Variants in FRAS1 observed in about 807,000 individuals in gnomAD.
The protein encoded by FRAS1 is extracellular matrix organizing protein FRAS1.
In FRAS1, 290 loss-of-function variants were observed where a neutral mutation model predicts 435.2. The ratio of observed to expected loss-of-function variants is 0.67; its 90% confidence interval spans 0.61 to 0.73. FRAS1 has a LOEUF of 0.73. Ranked by LOEUF, FRAS1 falls within the 30% of genes least tolerant of loss-of-function variation. The pLI is 0.00. For missense variants in FRAS1, 4,860 were observed against 5,001.5 expected, an observed-to-expected ratio of 0.97 and a Z score of 0.85; for synonymous variants, 1,800 against 1,851.0, an observed-to-expected ratio of 0.97 and a Z score of 0.71.
At chr4:78,408,642 T>A (rs1001073717) in intron 31 of FRAS1, among the ~76,000 whole-genome samples, 4 of 152,200 alleles carry the variant, frequency 2.6e-5, no homozygotes, top group Non-Finnish European at 5.9e-5. Flanking sequence ...GAGAAAAACT[T>A]CTGTGCTTCA....
intron 18 of FRAS1, 92 bp downstream of exon 18, chr4:78,319,078 T>G: frequency 2.3e-6 from 3 of 1,287,850 alleles, no homozygotes; most frequent in Non-Finnish European, 3.3e-6. Context: ...AGACCGATGT[T>G]TAATTTTAGA....
At chr4:78,332,692 T>C (rs1729992711) in intron 18 of FRAS1, among the ~76,000 whole-genome samples, 1 of 147,426 alleles carries the variant, frequency 6.8e-6, no homozygotes, top group Non-Finnish European at 1.5e-5. Flanking sequence ...TATGCTGTGA[T>C]GCTCTTATTC....
At chr4:78,228,991 G>A (rs1221067659) in intron 2 of FRAS1, among the ~76,000 whole-genome samples, 1 of 152,152 alleles carries the variant, frequency 6.6e-6, no homozygotes, top group Non-Finnish European at 1.5e-5. Flanking sequence ...TTGAACTCAA[G>A]TTTGCCTATT....
intron 2 of FRAS1, among the ~76,000 whole-genome samples, chr4:78,166,944 CA>C (rs1721356260): frequency 6.6e-6 from 1 of 152,168 alleles, no homozygotes; most frequent in Admixed American, 6.5e-5. Flanking sequence ...GAGCTGTTGT[CA>C]ACCTGTGTTC....
At chr4:78,401,664 A>G (rs1331494081) in intron 30 of FRAS1, among the ~76,000 whole-genome samples, 2 of 151,954 alleles carry the variant, frequency 1.3e-5, no homozygotes, top group Non-Finnish European at 2.9e-5. Context: ...AGTAGAAACA[A>G]GAAGCTTATC....
At chr4:78,345,020 T>C (rs1454782798) in intron 20 of FRAS1, among the ~76,000 whole-genome samples, 4 of 152,234 alleles carry the variant, frequency 2.6e-5, no homozygotes, top group Non-Finnish European at 5.9e-5. Flanking sequence ...TCATTTTTAA[T>C]GCCTAAGTCA....
chr4:78,503,747 C>T (rs1720748297), intron 61 of FRAS1, among the ~76,000 whole-genome samples: 1 of 152,076 alleles, frequency 6.6e-6, no homozygotes, highest in Non-Finnish European at 1.5e-5. Context: ...TATTTCTTGC[C>T]TTTTGATGGC....
chr4:78,139,077 T>C (rs1008115559), intron 2 of FRAS1, among the ~76,000 whole-genome samples: 8 of 152,184 alleles, frequency 5.3e-5, no homozygotes, highest in African/African-American at 1.9e-4. Flanking sequence ...ACTTGCCTCA[T>C]TTGGGAATAT....
chr4:78,537,032 A>C lies in FRAS1; in HGVS notation c.11130A>C (p.Glu3710Asp), dbSNP rs763171781. 7 of 1,613,914 alleles carry C rather than the reference A, an allele frequency of 4.3e-6. No homozygotes were observed. Among genetic ancestry groups the C allele is most frequent in the African/African-American group, 1.3e-5 (1 of 74,936 alleles). The change falls in exon 72 of 74, where the codon GAA becomes GAC. Residue 3710 changes from glutamate (E) to aspartate (D), a missense_variant. Coordinates refer to ENST00000512123, the MANE Select transcript of FRAS1 (RefSeq NM_025074.7). ...ILYGRVLWNP[E>D]QNLNSAYKLQ... The stretch of plus-strand genomic sequence containing the variant: ...ATGGCCGAGTACTTTGGAATCCAGA[A>C]CAAAATCTTAATTCTGCTTACAAAC...
intron 4 of FRAS1, among the ~76,000 whole-genome samples, 188 bp downstream of exon 4, chr4:78,245,513 A>G (rs1725197653): frequency 6.6e-6 from 1 of 152,212 alleles, no homozygotes; most frequent in African/African-American, 2.4e-5. Flanking sequence ...TAGGCTCTAC[A>G]TAAATATTTG....
intron 32 of FRAS1, 73 bp from the exon 33 acceptor site, chr4:78,418,876 A>G (rs1733649979): frequency 4.7e-6 from 4 of 843,292 alleles, no homozygotes; most frequent in East Asian, 5.4e-5. Flanking sequence ...TTTTTTCTTA[A>G]TAAGGTCTGT....
At chr4:78,412,246 G>T (rs999017245) in intron 31 of FRAS1, among the ~76,000 whole-genome samples, 1 of 152,164 alleles carries the variant, frequency 6.6e-6, no homozygotes, top group African/African-American at 2.4e-5. Flanking sequence ...GAACTCAGCC[G>T]CCTGCCATAT....
At chr4:78,501,366 T>C (rs1279875326) in intron 61 of FRAS1, among the ~76,000 whole-genome samples, 1 of 152,248 alleles carries the variant, frequency 6.6e-6, no homozygotes, top group Non-Finnish European at 1.5e-5. Context: ...CAGTCTATTA[T>C]TGACGGCCAT....
intron 2 of FRAS1, among the ~76,000 whole-genome samples, chr4:78,219,513 T>C (rs1723951539): frequency 6.6e-6 from 1 of 152,334 alleles, no homozygotes; most frequent in East Asian, 1.9e-4. Flanking sequence ...ACAGATAGTA[T>C]ATATTACTAA....
At chr4:78,083,032 C>T (rs533349208) in intron 2 of FRAS1, among the ~76,000 whole-genome samples, 7 of 152,094 alleles carry the variant, frequency 4.6e-5, no homozygotes, top group Non-Finnish European at 1.0e-4. Context: ...AGCAAGATAG[C>T]AAAAGGGTTA....
At position 78,464,268 on chromosome 4, in the gene FRAS1, T is replaced by A. The variant is rs115385464; in HGVS notation, c.6888+123T>A. The A allele has an allele frequency of 1.2e-4, 167 of 1,398,794 alleles. No homozygotes were observed. In the African/African-American group the frequency reaches 2.3e-3, roughly 19 times the overall value. 86.6% of individuals were successfully genotyped at this position (1,398,794 alleles called of 1,614,324 possible). A position where few individuals can be genotyped will look rare whatever the true frequency, so the allele number is the denominator to read the frequency against. ...TTTTCCTCTGCTCTCAGTCAAGGGG[T>A]AGGGGCAGCCTCTGTAGCCACCTTG... On this transcript the variant is annotated intron_variant, in intron 48 of 73. Transcript: ENST00000512123.
intron 2 of FRAS1, among the ~76,000 whole-genome samples, chr4:78,143,863 C>A: frequency 6.8e-6 from 1 of 146,868 alleles, no homozygotes; most frequent in Admixed American, 6.8e-5. Flanking sequence ...AAGATAGCGC[C>A]ACTGCACTCC....
chr4:78,061,774 T>G (rs1232403651), intron 1 of FRAS1, among the ~76,000 whole-genome samples: 17 of 152,148 alleles, frequency 1.1e-4, no homozygotes, highest in Admixed American at 1.1e-3. Context: ...TTATGTCCAG[T>G]AGGTGGGTAC....
intron 2 of FRAS1, among the ~76,000 whole-genome samples, chr4:78,215,539 T>C (rs919114793): frequency 6.6e-6 from 1 of 152,200 alleles, no homozygotes; most frequent in African/African-American, 2.4e-5. Context: ...TGTATCCACA[T>C]TGTTGTACAA....
Sources: allele counts gnomAD v4.1 joint callset (sites outside exome capture counted in the v4.1 genomes callset), GRCh38; gene constraint gnomAD v4.1.1; transcripts MANE v1.5; gene names NCBI Gene and HGNC (gene_info 2026-07-23, HGNC 2026-07-21).